C2orf76: variants seen among roughly 807,000 people sequenced by gnomAD.
The protein encoded by C2orf76 is chromosome 2 open reading frame 76.
A neutral mutation model predicts 16.9 loss-of-function variants in C2orf76; 23 were observed. That is an observed-to-expected ratio of 1.36 (90% confidence interval 0.98 to 1.93). The LOEUF is 1.93. Ranked by LOEUF, C2orf76 falls within the 30% of genes most tolerant of loss-of-function variation. C2orf76 has a pLI of 0.00. For synonymous variants in C2orf76, 48 were observed against 52.3 expected, an observed-to-expected ratio of 0.92 and a Z score of 0.35; for missense variants, 152 against 152.6, an observed-to-expected ratio of 1.00 and a Z score of 0.02.
At position 119,341,524 on chromosome 2, in the gene C2orf76, C is replaced by T. The variant is rs559667614; in HGVS notation, c.-12-1553G>A. Among the ~76,000 whole-genome samples, 13 of 152,316 alleles carry T rather than the reference C, an allele frequency of 8.5e-5. No individual in the cohort carries two copies. In the South Asian group the frequency reaches 1.4e-3, roughly 17 times the overall value. ...TACATACATGGTGTATTATAGGTAG[C>T]TTCCACAAGCCTTTCAGCATCGCTT... On this transcript the variant is annotated intron_variant, in intron 1 of 5. Transcript: ENST00000334816.
chr2:119,331,928 T>C (rs1402262627), intron 2 of C2orf76, among the ~76,000 whole-genome samples: 3 of 152,138 alleles, frequency 2.0e-5, no homozygotes, highest in Non-Finnish European at 4.4e-5. Flanking sequence ...CTTCAGAATG[T>C]TGCAAAAACT....
At chr2:119,314,014 GTTTTTT>G (rs368623211) in intron 4 of C2orf76, among the ~76,000 whole-genome samples, 2 of 86,166 alleles carry the variant, frequency 2.3e-5, no homozygotes, top group East Asian at 6.6e-4. Context: ...TTTCTCAGTG[GTTTTTT>G]TTTTTTTTTT....
rs773022239 is a variant in C2orf76, at chr2:119,321,157, A to G, written c.181T>C (p.Tyr61His). The change falls in exon 3 of 6, where the codon TAT (tyrosine) becomes CAT (histidine). Residue 61 changes from tyrosine to histidine, a missense_variant. Coordinates refer to ENST00000334816, the MANE Select transcript of C2orf76 (RefSeq NM_001322331.2). ...NLPPPFRNYK[Y>H]DALKIIHQAH... ...AAAAGAATAAAAAAATGGTTACCATATTTATAATTTCTGAATGGTGGTGGC... is the reference window on the plus strand; with the variant it reads ...AAAAGAATAAAAAAATGGTTACCATGTTTATAATTTCTGAATGGTGGTGGC... 5.7e-6 allele frequency: 8 copies of G among 1,404,324 alleles called. No homozygotes were observed. The highest frequency in any genetic ancestry group is 7.7e-6 in the Non-Finnish European group (8 of 1,032,560). The allele number at this position is 1,404,324 out of a possible 1,614,324, so 87.0% of individuals were successfully genotyped here. A position where few individuals can be genotyped will look rare whatever the true frequency, so the allele number is the denominator to read the frequency against.
chr2:119,358,196 A>T (rs554038288), intron 1 of C2orf76, among the ~76,000 whole-genome samples: 5 of 152,258 alleles, frequency 3.3e-5, no homozygotes, highest in Admixed American at 6.5e-5. Context: ...GATAGGTTGA[A>T]TGCTAGGCCC....
At chr2:119,323,210 C>T (rs1327084290) in intron 2 of C2orf76, among the ~76,000 whole-genome samples, 1 of 149,434 alleles carries the variant, frequency 6.7e-6, no homozygotes, top group Non-Finnish European at 1.5e-5. Flanking sequence ...TTTTAATAGA[C>T]AGGTTTCACT....
chr2:119,311,162 G>T, intron 5 of C2orf76: 19 of 985,448 alleles, frequency 1.9e-5, no homozygotes, highest in Non-Finnish European at 2.3e-5. Context: ...CACACACCAG[G>T]TTCCTATTTT....
chr2:119,320,689 A>G (rs1393172591), intron 3 of C2orf76, among the ~76,000 whole-genome samples: 1 of 152,204 alleles, frequency 6.6e-6, no homozygotes, highest in African/African-American at 2.4e-5. Flanking sequence ...TGAAGTCTCA[A>G]ATTCAAAGTT....
At chr2:119,329,082 T>C (rs1359391938) in intron 2 of C2orf76, among the ~76,000 whole-genome samples, 3 of 152,252 alleles carry the variant, frequency 2.0e-5, no homozygotes, top group South Asian at 4.1e-4. Context: ...CAAGATTCTA[T>C]AGATGTCAAT....
chr2:119,325,310 A>G (rs1206142121), intron 2 of C2orf76, among the ~76,000 whole-genome samples: 1 of 151,988 alleles, frequency 6.6e-6, no homozygotes, highest in African/African-American at 2.4e-5. Context: ...AAATACAAAA[A>G]TTAGCCAGGC....
chr2:119,285,439 T>C, the C2orf76 span, among the ~76,000 whole-genome samples: 1 of 152,198 alleles, frequency 6.6e-6, no homozygotes. Context: ...GGCCCCGGAA[T>C]TGGCCCCAGT....
chr2:119,288,096 C>CA, the C2orf76 span, among the ~76,000 whole-genome samples: 1 of 149,996 alleles, frequency 6.7e-6, no homozygotes, highest in Admixed American at 6.7e-5. Context: ...GTGCACTTGT[C>CA]AAAACCCAAA....
chr2:119,310,665 AATTCGAGACC>A, intron 5 of C2orf76, among the ~76,000 whole-genome samples: 1 of 152,316 alleles, frequency 6.6e-6, no homozygotes, highest in Admixed American at 6.5e-5. Context: ...TGAGGTTAGA[AATTCGAGACC>A]AGTCTGGCCA....
chr2:119,334,023 G>T (rs987545086), intron 2 of C2orf76, among the ~76,000 whole-genome samples: 3 of 151,924 alleles, frequency 2.0e-5, no homozygotes, highest in African/African-American at 7.3e-5. Flanking sequence ...AAACTCCGAG[G>T]CTCAAGTGAT....
Position 119,308,754 on chromosome 2 carries a change from G to C in C2orf76, c.304+2868C>G, listed in dbSNP as rs75562403. Among the ~76,000 whole-genome samples the C allele has an allele frequency of 9.0e-3, 1,372 of 152,340 alleles. 26 individuals carry two copies. Among genetic ancestry groups the C allele is most frequent in the African/African-American group, 0.031 (1,305 of 41,572 alleles). On this transcript the variant is annotated intron_variant, in intron 5 of 5. Coordinates refer to ENST00000334816, the MANE Select transcript of C2orf76 (RefSeq NM_001322331.2). ...AGTGCTTCACATACAGGGAAGGTCA[G>C]GGCTAACCCCACCACCCTTCTGAAG... is the stretch of plus-strand genomic sequence containing the variant.
rs533558045 is a variant in C2orf76 at position 119,354,656 on chromosome 2, T to C, written c.-13+12134A>G. On this transcript the variant is annotated intron_variant, in intron 1 of 5. Coordinates refer to ENST00000334816, the MANE Select transcript of C2orf76 (RefSeq NM_001322331.2). Reference sequence around the variant, plus strand: ...CATAATACAAATGAAAGCACCATTATTCTAGAAGAGTTGGTTAAATCATCT... The same window carrying C: ...CATAATACAAATGAAAGCACCATTACTCTAGAAGAGTTGGTTAAATCATCT... 2.6e-5 allele frequency among the ~76,000 whole-genome samples: 4 copies of C among 152,364 alleles called. No homozygotes were observed. The South Asian group carries it at 8.3e-4, about 32-fold the overall frequency.
rs1007636929 is a variant in C2orf76 at position 119,310,118 on chromosome 2, C to T, written c.304+1504G>A. On this transcript the variant is annotated intron_variant, in intron 5 of 5. Coordinates refer to ENST00000334816, the MANE Select transcript of C2orf76 (RefSeq NM_001322331.2). Reference sequence around the variant, plus strand: ...CTTTATCATCCTGTGAAATATTACCCTTTTTTTCATTTTTGGATTCTCCAG... The same window carrying T: ...CTTTATCATCCTGTGAAATATTACCTTTTTTTTCATTTTTGGATTCTCCAG... Among the ~76,000 whole-genome samples the T allele has an allele frequency of 4.1e-4, 62 of 152,194 alleles. 1 individual carries two copies. Among genetic ancestry groups the T allele is most frequent in the Non-Finnish European group, 1.5e-4 (10 of 68,004 alleles).
intron 1 of C2orf76, among the ~76,000 whole-genome samples, chr2:119,365,339 C>T (rs1680904805): frequency 6.6e-6 from 1 of 152,150 alleles, no homozygotes; most frequent in African/African-American, 2.4e-5. Context: ...TTGTGATTTT[C>T]GAAGAAACCT....
the C2orf76 span, among the ~76,000 whole-genome samples, chr2:119,286,777 G>A: frequency 3.2e-4 from 49 of 152,186 alleles, no homozygotes; most frequent in East Asian, 5.4e-3. Context: ...GTGTCTCTGC[G>A]GTCAGGATGA....
At chr2:119,334,748 G>T (rs917264059) in intron 2 of C2orf76, among the ~76,000 whole-genome samples, 8 of 151,388 alleles carry the variant, frequency 5.3e-5, no homozygotes, top group Admixed American at 1.3e-4. Flanking sequence ...TACCAGGAAA[G>T]AATGCAGGTG....
Sources: allele counts gnomAD v4.1 joint callset (sites outside exome capture counted in the v4.1 genomes callset), GRCh38; gene constraint gnomAD v4.1.1; transcripts MANE v1.5; gene names NCBI Gene and HGNC (gene_info 2026-07-23, HGNC 2026-07-21).